LAPTM4B: variants seen among roughly 807,000 people sequenced by gnomAD.
LAPTM4B encodes lysosomal protein transmembrane 4 beta.
In LAPTM4B, 26 loss-of-function variants were observed where a neutral mutation model predicts 28.5. The ratio of observed to expected loss-of-function variants is 0.91; its 90% CI spans 0.67 to 1.27. LAPTM4B has a LOEUF of 1.27. Among genes scored for constraint, LAPTM4B ranks in the 50% most tolerant of loss-of-function variants. The pLI is 0.00. For missense variants in LAPTM4B, 288 were observed against 285.8 expected, an observed-to-expected ratio of 1.01 and a Z score of -0.06; for synonymous variants, 109 against 106.4, an observed-to-expected ratio of 1.02 and a Z score of -0.15.
intron 1 of LAPTM4B, among the ~76,000 whole-genome samples, chr8:97,777,153 T>G (rs1194866129): frequency 7.2e-6 from 1 of 138,422 alleles, no homozygotes; most frequent in African/African-American, 2.7e-5. Context: ...TTTTTTTTTT[T>G]TTTTTTTTTT....
At chr8:97,789,231 G>A (rs1212816252) in intron 1 of LAPTM4B, among the ~76,000 whole-genome samples, 4 of 151,114 alleles carry the variant, frequency 2.6e-5, no homozygotes, top group East Asian at 2.0e-4. Flanking sequence ...GTGCCACCAC[G>A]CCCGGCTAAT....
At chr8:97,779,450 A>G (rs1343425325) in intron 1 of LAPTM4B, among the ~76,000 whole-genome samples, 1 of 151,756 alleles carries the variant, frequency 6.6e-6, no homozygotes, top group Non-Finnish European at 1.5e-5. Flanking sequence ...GTGCCACTGC[A>G]CTCTAGCCTG....
chr8:97,851,662 GA>G lies in LAPTM4B; in HGVS notation c.*189del. Reference sequence around the variant, plus strand: ...TATGCTTTGCTGGAACACTGTGATAGATTAACTGTAGAATTCTTCCTGTACG... The same window carrying G: ...TATGCTTTGCTGGAACACTGTGATAGTTAACTGTAGAATTCTTCCTGTACG... On this transcript the variant is annotated 3_prime_UTR_variant, in exon 7 of 7. Coordinates refer to ENST00000521545, the MANE Select transcript of LAPTM4B (RefSeq NM_018407.6). The G allele has an allele frequency of 1.7e-6, 1 of 602,158 alleles. No homozygotes were observed. The highest frequency in any genetic ancestry group is 3.0e-6 in the Non-Finnish European group (1 of 338,158). 37.3% of individuals were successfully genotyped at this position (602,158 alleles called of 1,614,324 possible). A position where few individuals can be genotyped will look rare whatever the true frequency, so the allele number is the denominator to read the frequency against.
intron 1 of LAPTM4B, chr8:97,788,382 A>G: frequency 6.7e-6 from 2 of 296,504 alleles, no homozygotes; most frequent in Middle Eastern, 8.7e-4. Flanking sequence ...AGTCAGGCAC[A>G]CACCACGATG....
chr8:97,787,203 G>C (rs1454206471), intron 1 of LAPTM4B, among the ~76,000 whole-genome samples: 2 of 152,002 alleles, frequency 1.3e-5, no homozygotes, highest in Non-Finnish European at 2.9e-5. Context: ...AATGGAAAAT[G>C]CACACATCAC....
At chr8:97,788,238 C>T in intron 1 of LAPTM4B, 1 of 326,972 alleles carries the variant, frequency 3.1e-6, no homozygotes, top group African/African-American at 2.2e-5. Context: ...TCTCCAGTGT[C>T]TCCTTTTGGA....
At chr8:97,804,549 T>C (rs1722804721) in intron 1 of LAPTM4B, among the ~76,000 whole-genome samples, 2 of 152,228 alleles carry the variant, frequency 1.3e-5, no homozygotes. Flanking sequence ...CTCAGTTTGC[T>C]ATGTATAACA....
intron 6 of LAPTM4B, among the ~76,000 whole-genome samples, chr8:97,826,059 A>G (rs895076284): frequency 6.6e-6 from 1 of 152,166 alleles, no homozygotes; most frequent in African/African-American, 2.4e-5. Flanking sequence ...CTCTGACCTT[A>G]CCGAAATAAT....
intron 6 of LAPTM4B, 149 bp from the exon 7 acceptor site, chr8:97,851,246 CTT>C (rs1331216534): frequency 1.5e-6 from 1 of 675,158 alleles, no homozygotes; most frequent in African/African-American, 1.8e-5. Flanking sequence ...TTCAAAAAGT[CTT>C]TTAATGAAGT....
intron 1 of LAPTM4B, among the ~76,000 whole-genome samples, chr8:97,780,198 G>A (rs1371263300): frequency 1.3e-5 from 2 of 152,048 alleles, no homozygotes; most frequent in African/African-American, 2.4e-5. Context: ...ACTGAGGCGG[G>A]TGGATCACCT....
At chr8:97,841,993 C>T (rs952026079) in intron 6 of LAPTM4B, among the ~76,000 whole-genome samples, 2 of 152,160 alleles carry the variant, frequency 1.3e-5, no homozygotes, top group African/African-American at 4.8e-5. Context: ...TCTGACATCA[C>T]ATCTTCCAAG....
intron 6 of LAPTM4B, among the ~76,000 whole-genome samples, chr8:97,839,430 T>C (rs1817312397): frequency 6.6e-6 from 1 of 152,162 alleles, no homozygotes; most frequent in African/African-American, 2.4e-5. Flanking sequence ...TGACCTCAGG[T>C]GATCCGCCTG....
chr8:97,814,901 A>G (rs4735501), intron 2 of LAPTM4B, among the ~76,000 whole-genome samples: 68,560 of 151,808 alleles, frequency 0.45, 15,948 homozygotes, highest in East Asian at 0.58. Context: ...CACTGTGTTA[A>G]CCAGGATGGT....
intron 2 of LAPTM4B, among the ~76,000 whole-genome samples, chr8:97,815,064 C>T (rs2449546): frequency 0.9 from 137,088 of 152,140 alleles, 63,406 homozygotes; most frequent in Non-Finnish European, 1. Context: ...CATGAGTTTA[C>T]AAAATAGAAG....
rs915220818 is a variant in LAPTM4B at position 97,816,292 on chromosome 8, A to G, written c.408+112A>G. ...ATTAATTTCAGGATTTTTAGCTTGC[A>G]GCTGAGTTACTCATAGGAAATTTCT... is the stretch of plus-strand genomic sequence containing the variant. On this transcript the variant is annotated intron_variant, in intron 4 of 6. Coordinates refer to ENST00000521545, the MANE Select transcript of LAPTM4B (RefSeq NM_018407.6). 4.6e-6 allele frequency: 5 copies of G among 1,077,420 alleles called. No individual in the cohort carries two copies. In the Admixed American group the frequency reaches 1.1e-4, roughly 24 times the overall value. 66.7% of individuals were successfully genotyped at this position (1,077,420 alleles called of 1,614,324 possible).
At chr8:97,812,217 G>GT (rs71271157) in intron 2 of LAPTM4B, among the ~76,000 whole-genome samples, 5 of 93,314 alleles carry the variant, frequency 5.4e-5, no homozygotes, top group Non-Finnish European at 8.3e-5. Context: ...TTTTTTTTTT[G>GT]TTGTTTTTTG....
intron 6 of LAPTM4B, among the ~76,000 whole-genome samples, chr8:97,835,533 T>G (rs1025457193): frequency 8.5e-5 from 13 of 152,156 alleles, no homozygotes; most frequent in Non-Finnish European, 2.9e-5. Flanking sequence ...CCTTAGGCCA[T>G]TGAGATAAGT....
At chr8:97,809,195 G>A (rs1816794122) in intron 2 of LAPTM4B, among the ~76,000 whole-genome samples, 1 of 152,154 alleles carries the variant, frequency 6.6e-6, no homozygotes, top group African/African-American at 2.4e-5. Context: ...GGCATGCAGT[G>A]TTGCTACCAG....
chr8:97,825,215 A>G, intron 6 of LAPTM4B, 62 bp downstream of exon 6: 1 of 852,334 alleles, frequency 1.2e-6, no homozygotes, highest in Non-Finnish European at 2.0e-6. Context: ...GCTGATCTTT[A>G]AGTGTTTCTA....
Sources: gnomAD v4.1 joint callset for allele counts (sites outside exome capture counted in the v4.1 genomes callset) on GRCh38, gnomAD v4.1.1 for gene constraint, MANE v1.5 for transcripts, NCBI Gene and HGNC (gene_info 2026-07-23, HGNC 2026-07-21) for gene names.